Variants in OSCP1 observed in about 807,000 individuals in gnomAD.
The protein encoded by OSCP1 is organic solute carrier partner 1.
OSCP1 carries 35 observed loss-of-function variants against 45.1 expected under a neutral mutation model. That is an observed-to-expected ratio of 0.78 (90% confidence interval 0.59 to 1.03). OSCP1 has a LOEUF of 1.03. Among genes scored for constraint, OSCP1 ranks in the 50% least tolerant of loss-of-function variants. The pLI, the probability that OSCP1 is intolerant of heterozygous loss-of-function variation, is 0.00. For missense variants in OSCP1, 400 were observed against 470.7 expected, an observed-to-expected ratio of 0.85 and a Z score of 1.39; for synonymous variants, 179 against 180.1, an observed-to-expected ratio of 0.99 and a Z score of 0.05.
chr1:36,419,221 C>T (rs528749057), intron 8 of OSCP1, 167 bp from the exon 9 acceptor site: 2 of 645,200 alleles, frequency 3.1e-6, no homozygotes, highest in Admixed American at 2.7e-5. Flanking sequence ...CCTAGAAAGT[C>T]AAGTTCTTTT....
intron 9 of OSCP1, chr1:36,418,585 G>C (rs1023429216): frequency 2.8e-5 from 10 of 359,144 alleles, no homozygotes; most frequent in Non-Finnish European, 5.1e-5. Flanking sequence ...GCTTGAAAAA[G>C]AGGGTCTCTG....
intron 1 of OSCP1, chr1:36,444,023 T>C: frequency 1.2e-6 from 2 of 1,613,708 alleles, no homozygotes; most frequent in Non-Finnish European, 1.7e-6. Flanking sequence ...TGTCCACCTC[T>C]GTCCATTCAT....
At chr1:36,435,222 G>A (rs1648644695) in intron 2 of OSCP1, among the ~76,000 whole-genome samples, 1 of 151,360 alleles carries the variant, frequency 6.6e-6, no homozygotes, top group Non-Finnish European at 1.5e-5. Flanking sequence ...AGCCTCCTGA[G>A]TAGCTGGGAC....
In OSCP1 at chr1:36,432,415, C is replaced by T. The variant is rs1648425310; in HGVS notation, c.435+7G>A. ...GCTGAGAGGCGAGACACTGATGGCA[C>T]TCTTACTTCTGTCAGCTGCCGCAAA... On this transcript the variant is annotated splice_region_variant and intron_variant, in intron 3 of 9. Coordinates refer to ENST00000235532, the MANE Select transcript of OSCP1 (RefSeq NM_145047.5). 5.0e-6 allele frequency: 8 copies of T among 1,613,586 alleles called. No individual in the cohort carries two copies. The East Asian group carries it at 1.8e-4, about 36-fold the overall frequency.
rs1181668020 is a variant in OSCP1, at chr1:36,423,548, G to T, written c.517-82C>A. 2.7e-6 allele frequency: 3 copies of T among 1,125,046 alleles called. No homozygotes were observed. In the East Asian group the frequency reaches 7.3e-5, roughly 27 times the overall value. 69.7% of individuals were successfully genotyped at this position (1,125,046 alleles called of 1,614,324 possible). On this transcript the variant is annotated intron_variant, in intron 4 of 9. Coordinates refer to ENST00000235532, the MANE Select transcript of OSCP1 (RefSeq NM_145047.5). ...ATTCTGAGGGTGGAAAGTGCGTAATGGTTTGGGAACATGACCTATGAGTTT... is the reference window on the plus strand; with the variant it reads ...ATTCTGAGGGTGGAAAGTGCGTAATTGTTTGGGAACATGACCTATGAGTTT...
In OSCP1 at chr1:36,450,440, C is replaced by T; in HGVS notation, c.-71G>A. ...AGCCAGTGGCCTGAAGGCCAGGCCG[C>T]AGCGTCCCAATAGTCCGGTTGCTGG... On this transcript the variant is annotated 5_prime_UTR_variant, in exon 1 of 10. Transcript: ENST00000235532. 7.7e-7 allele frequency: 1 copy of T among 1,303,276 alleles called. No individual in the cohort carries two copies. The highest frequency in any genetic ancestry group is 1.1e-6 in the Non-Finnish European group (1 of 904,962). The allele number at this position is 1,303,276 out of a possible 1,614,324, so 80.7% of individuals were successfully genotyped here. A position where few individuals can be genotyped will look rare whatever the true frequency, so the allele number is the denominator to read the frequency against.
chr1:36,422,760 T>G lies in OSCP1; in HGVS notation c.749+8A>C. On this transcript the variant is annotated splice_region_variant and intron_variant, in intron 6 of 9. Transcript: ENST00000235532. The stretch of plus-strand genomic sequence containing the variant: ...GACTTGAATTCACTCAGAGAAGAAT[T>G]TGCTTACATGTTAGTTCCCAGTTTC... 1 of 1,571,538 alleles carries G rather than the reference T, an allele frequency of 6.4e-7. No homozygotes were observed. The highest frequency in any genetic ancestry group is 8.6e-7 in the Non-Finnish European group (1 of 1,156,180).
chr1:36,450,148 A>T, intron 1 of OSCP1, 110 bp downstream of exon 1: 1 of 805,526 alleles, frequency 1.2e-6, no homozygotes, highest in Non-Finnish European at 2.0e-6. Context: ...GTCCCTGGTT[A>T]TAAGAGTGAA....
intron 4 of OSCP1, among the ~76,000 whole-genome samples, chr1:36,424,138 T>G (rs115380972): frequency 0.1 from 15,544 of 151,736 alleles, 948 homozygotes; most frequent in East Asian, 0.29. Flanking sequence ...TAGAGATGGG[T>G]TTTCGCCATG....
Position 36,432,405 on chromosome 1 carries a change from AC to A in OSCP1, c.435+16del, listed in dbSNP as rs1265237236. The A allele has an allele frequency of 6.2e-7, 1 of 1,612,696 alleles. No homozygotes were observed. ...AAGTACTGGGGCTGAGAGGCGAGAC[AC>A]TGATGGCACTCTTACTTCTGTCAGC... is the stretch of plus-strand genomic sequence containing the variant. On this transcript the variant is annotated intron_variant, in intron 3 of 9. Transcript: ENST00000235532.
chr1:36,427,312 T>TTTTTTTTG (rs1485279112), intron 4 of OSCP1, among the ~76,000 whole-genome samples: 4 of 143,902 alleles, frequency 2.8e-5, no homozygotes, highest in Non-Finnish European at 4.5e-5. Context: ...TTTTTTTTTT[T>TTTTTTTTG]TTGACACAGA....
intron 1 of OSCP1, among the ~76,000 whole-genome samples, chr1:36,450,053 A>T (rs1477777067): frequency 6.6e-6 from 1 of 151,486 alleles, no homozygotes; most frequent in Non-Finnish European, 1.5e-5. Context: ...GTCCACTGGG[A>T]GTATTAAGTT....
chr1:36,429,506 G>C (rs942388968), intron 4 of OSCP1, among the ~76,000 whole-genome samples: 1 of 146,098 alleles, frequency 6.8e-6, no homozygotes, highest in Non-Finnish European at 1.5e-5. Flanking sequence ...CTGTCCAAGA[G>C]AGACACATTC....
At chr1:36,429,765 A>T (rs1570517346) in intron 4 of OSCP1, among the ~76,000 whole-genome samples, 4 of 147,308 alleles carry the variant, frequency 2.7e-5, no homozygotes, top group African/African-American at 1.0e-4. Context: ...TTATTTATTT[A>T]TTTTTTTGAG....
chr1:36,422,886 T>A lies in OSCP1; in HGVS notation c.631A>T (p.Asn211Tyr). Residue 211 changes from asparagine (N) to tyrosine (Y), a missense_variant, in exon 6 of 10, where the codon AAC (asparagine) becomes TAC (tyrosine). Coordinates refer to ENST00000235532, the MANE Select transcript of OSCP1 (RefSeq NM_145047.5). ...EVPGLIRMFN[N>Y]KGEEVKRIEF... ...ATCCTCTTCACTTCTTCACCTTTGTTGTTGAACATTCTACAATACAAAGTA... is the reference window on the plus strand; with the variant it reads ...ATCCTCTTCACTTCTTCACCTTTGTAGTTGAACATTCTACAATACAAAGTA... 2 of 1,604,316 alleles carry A rather than the reference T, an allele frequency of 1.2e-6. No homozygotes were observed. The highest frequency in any genetic ancestry group is 4.5e-5 in the East Asian group (2 of 44,570).
chr1:36,434,408 A>G (rs1028660346), intron 2 of OSCP1, among the ~76,000 whole-genome samples: 2 of 152,124 alleles, frequency 1.3e-5, no homozygotes, highest in African/African-American at 4.8e-5. Context: ...ACACAATCCC[A>G]TTTCTCCTAC....
Position 36,420,535 on chromosome 1 carries a change from T to A in OSCP1, c.900A>T (p.Lys300Asn). 6.2e-7 allele frequency: 1 copy of A among 1,614,054 alleles called. No homozygotes were observed. The highest frequency in any genetic ancestry group is 1.1e-5 in the South Asian group (1 of 91,070). ...ARLMGGMEIK[K>N]PSGPEPGFRL... ...GGAATCCGGGCTCAGGGCCACTGGG[T>A]TTCTTAATCTCCATCCCTCCCATCA... Residue 300 changes from lysine (K) to asparagine (N), a missense_variant, in exon 8 of 10, where the codon AAA becomes AAT. Physicochemically the swap from Lys to Asn is moderately conservative, Grantham distance 94. Coordinates refer to ENST00000235532, the MANE Select transcript of OSCP1 (RefSeq NM_145047.5).
At chr1:36,434,698 C>T (rs779270902) in intron 2 of OSCP1, among the ~76,000 whole-genome samples, 8 of 138,468 alleles carry the variant, frequency 5.8e-5, no homozygotes, top group East Asian at 2.0e-4. Context: ...TGCAGTGAGC[C>T]GAGTTAGTGC....
chr1:36,428,512 T>A, intron 4 of OSCP1: 2 of 1,570,010 alleles, frequency 1.3e-6, no homozygotes, highest in Non-Finnish European at 1.7e-6. Flanking sequence ...ATGTTACATA[T>A]GCTGTTTCAG....
Sources: allele counts gnomAD v4.1 joint callset (sites outside exome capture counted in the v4.1 genomes callset), GRCh38; gene constraint gnomAD v4.1.1; transcripts MANE v1.5; gene names NCBI Gene and HGNC (gene_info 2026-07-23, HGNC 2026-07-21).